DHX32: variants seen among roughly 807,000 people sequenced by gnomAD.
DHX32 encodes putative pre-mRNA-splicing factor ATP-dependent RNA helicase DHX32.
In DHX32, 51 loss-of-function variants were observed where a neutral mutation model predicts 70.0. That is an observed-to-expected ratio of 0.73 (90% confidence interval 0.58 to 0.92). The LOEUF is 0.92. Ranked by LOEUF, DHX32 falls within the 40% of genes least tolerant of loss-of-function variation. DHX32 has a pLI of 0.00. For missense variants in DHX32, 762 were observed against 891.8 expected, an observed-to-expected ratio of 0.85 and a Z score of 1.85; for synonymous variants, 310 against 315.3, an observed-to-expected ratio of 0.98 and a Z score of 0.18.
intron 1 of DHX32, among the ~76,000 whole-genome samples, chr10:125,880,123 T>G (rs1044475258): frequency 2.6e-5 from 4 of 152,224 alleles, no homozygotes; most frequent in Admixed American, 6.5e-5. Flanking sequence ...CTCAGCCAGC[T>G]TCACCAGCAA....
chr10:125,884,602 A>C (rs1302187720), upstream of DHX32, among the ~76,000 whole-genome samples: 1 of 152,238 alleles, frequency 6.6e-6, no homozygotes, highest in Non-Finnish European at 1.5e-5. Context: ...TTAACAAGGT[A>C]GAATTAGAAG....
chr10:125,841,421 T>A, intron 7 of DHX32: 1 of 1,587,112 alleles, frequency 6.3e-7, no homozygotes, highest in African/African-American at 1.3e-5. Flanking sequence ...GCACACAACA[T>A]TATTTGGGGA....
intron 1 of DHX32, among the ~76,000 whole-genome samples, chr10:125,895,544 C>G (rs563021350): frequency 6.6e-6 from 1 of 152,200 alleles, no homozygotes; most frequent in African/African-American, 2.4e-5. Flanking sequence ...TACAACCTAC[C>G]AGATAATAAT....
chr10:125,882,076 AG>A (rs1297619276), upstream of DHX32, among the ~76,000 whole-genome samples: 1 of 152,238 alleles, frequency 6.6e-6, no homozygotes, highest in Non-Finnish European at 1.5e-5. Flanking sequence ...ATTTAAATGA[AG>A]AAGAGAAATC....
intron 1 of DHX32, among the ~76,000 whole-genome samples, chr10:125,893,584 G>A (rs1362445193): frequency 6.6e-6 from 1 of 152,308 alleles, no homozygotes; most frequent in African/African-American, 2.4e-5. Flanking sequence ...CGGAGAGATA[G>A]ACATTCCATT....
chr10:125,842,021 C>T, intron 6 of DHX32, 87 bp from the exon 7 acceptor site: 1 of 1,402,670 alleles, frequency 7.1e-7, no homozygotes, highest in Non-Finnish European at 9.3e-7. Context: ...CTGCATGAAA[C>T]AAGCAAACAA....
intron 4 of DHX32, 61 bp from the exon 5 acceptor site, chr10:125,852,703 A>T: frequency 6.9e-7 from 1 of 1,455,532 alleles, no homozygotes; most frequent in Non-Finnish European, 9.4e-7. Context: ...AGGCTCACTG[A>T]TCCTGAAGAG....
In DHX32 at chr10:125,867,203, G is replaced by T; in HGVS notation, c.283-20C>A. 1 of 1,575,242 alleles carries T rather than the reference G, an allele frequency of 6.3e-7. No homozygotes were observed. Among genetic ancestry groups the T allele is most frequent in the South Asian group, 1.1e-5 (1 of 87,268 alleles). On this transcript the variant is annotated intron_variant, in intron 1 of 10. Transcript: ENST00000284690. ...AGGAACCTGTAGCAGGAAAAAATGA[G>T]ACAGGATCAGCTTCTGCTGAAAACA...
At chr10:125,850,354 C>CTTTTTTTTTTTTTT (rs765077777) in intron 6 of DHX32, among the ~76,000 whole-genome samples, 2 of 124,552 alleles carry the variant, frequency 1.6e-5, no homozygotes, top group Non-Finnish European at 3.4e-5. Flanking sequence ...TTCTTTCTTT[C>CTTTTTTTTTTTTTT]TTTTTTTTTT....
intron 1 of DHX32, among the ~76,000 whole-genome samples, chr10:125,894,771 A>G (rs1402801977): frequency 2.5e-3 from 362 of 144,552 alleles, no homozygotes; most frequent in South Asian, 0.01. Flanking sequence ...TGTTTTTTAA[A>G]TCACTATCTT....
At chr10:125,889,999 G>C (rs1449043761) in intron 1 of DHX32, among the ~76,000 whole-genome samples, 1 of 152,282 alleles carries the variant, frequency 6.6e-6, no homozygotes, top group African/African-American at 2.4e-5. Context: ...CCCCAGTTCA[G>C]TGTATAGTGT....
chr10:125,847,090 A>C (rs1404997871), intron 6 of DHX32, among the ~76,000 whole-genome samples: 1 of 152,182 alleles, frequency 6.6e-6, no homozygotes, highest in African/African-American at 2.4e-5. Context: ...AAAAGAGTCC[A>C]CAGGGGGAGA....
chr10:125,849,632 C>T (rs1018634501), intron 6 of DHX32, among the ~76,000 whole-genome samples: 1 of 152,210 alleles, frequency 6.6e-6, no homozygotes, highest in African/African-American at 2.4e-5. Flanking sequence ...AGTGCCAGTC[C>T]TGCCGGTAGG....
intron 1 of DHX32, among the ~76,000 whole-genome samples, chr10:125,878,488 A>G (rs1464705428): frequency 6.6e-6 from 1 of 151,634 alleles, no homozygotes; most frequent in African/African-American, 2.4e-5. Flanking sequence ...CCCAAAATTT[A>G]AATGCTTTCT....
intron 1 of DHX32, among the ~76,000 whole-genome samples, chr10:125,889,610 G>A (rs1414704779): frequency 2.6e-5 from 4 of 152,206 alleles, no homozygotes; most frequent in Non-Finnish European, 5.9e-5. Context: ...TAGTGACATC[G>A]CCTATTTACA....
chr10:125,857,879 G>GT (rs72152222), intron 3 of DHX32, among the ~76,000 whole-genome samples: 50,001 of 140,626 alleles, frequency 0.36, 9,531 homozygotes, highest in Non-Finnish European at 0.45. Context: ...GTATATCCTG[G>GT]TTTTTTTTTT....
intron 1 of DHX32, among the ~76,000 whole-genome samples, chr10:125,891,677 T>A (rs148649563): frequency 4.3e-4 from 64 of 149,476 alleles, no homozygotes; most frequent in East Asian, 1.0e-3. Flanking sequence ...AATAAAACAA[T>A]AATAGATGAA....
At chr10:125,893,915 A>T (rs1944386168) in intron 1 of DHX32, among the ~76,000 whole-genome samples, 1 of 152,246 alleles carries the variant, frequency 6.6e-6, no homozygotes, top group Non-Finnish European at 1.5e-5. Context: ...CACTAAAGTT[A>T]TTTCTACTTT....
chr10:125,890,404 A>G (rs1463038713), intron 1 of DHX32, among the ~76,000 whole-genome samples: 1 of 152,254 alleles, frequency 6.6e-6, no homozygotes, highest in Admixed American at 6.5e-5. Flanking sequence ...GGTTTCCAGT[A>G]TCAATTTAAA....
Sources: allele counts gnomAD v4.1 joint callset (sites outside exome capture counted in the v4.1 genomes callset), GRCh38; gene constraint gnomAD v4.1.1; transcripts MANE v1.5; gene names NCBI Gene and HGNC (gene_info 2026-07-23, HGNC 2026-07-21).